SNX4: variants seen among roughly 807,000 people sequenced by gnomAD.
SNX4 encodes sorting nexin 4.
SNX4 carries 49 observed loss-of-function variants against 70.8 expected under a neutral mutation model. The ratio of observed to expected loss-of-function variants is 0.69; its 90% CI spans 0.55 to 0.88. The LOEUF (loss-of-function observed/expected upper bound fraction) is 0.88. Among genes scored for constraint, SNX4 ranks in the 40% least tolerant of loss-of-function variants. The pLI is 0.00. For missense variants in SNX4, 528 were observed against 544.8 expected (o/e 0.97, Z 0.31); for synonymous variants, 206 against 183.8 (o/e 1.12, Z -0.98).
At chr3:125,480,396 T>C (rs1458882081) in intron 6 of SNX4, 77 bp from the exon 7 acceptor site, 10 of 797,612 alleles carry the variant, frequency 1.3e-5, no homozygotes, top group Non-Finnish European at 1.9e-5. Flanking sequence ...AAAACAGTAG[T>C]TCCCGACAAT....
chr3:125,517,198 G>A (rs1935301566), intron 1 of SNX4: 1 of 152,030 alleles, frequency 6.6e-6, no homozygotes, highest in African/African-American at 2.4e-5. Flanking sequence ...CTTAATGGAA[G>A]AAGCACTGAT....
intron 9 of SNX4, among the ~76,000 whole-genome samples, chr3:125,463,303 C>T (rs1933928836): frequency 6.6e-6 from 1 of 152,122 alleles, no homozygotes; most frequent in East Asian, 1.9e-4. Context: ...GTAGGAAAAC[C>T]TGCCTTTAGT....
At chr3:125,495,291 CA>C (rs1934769544) in intron 5 of SNX4, among the ~76,000 whole-genome samples, 1 of 53,970 alleles carries the variant, frequency 1.9e-5, no homozygotes, top group African/African-American at 4.5e-5. Context: ...CATACACACA[CA>C]CACACGTATG....
chr3:125,480,687 C>G (rs944478326), intron 6 of SNX4, among the ~76,000 whole-genome samples: 12 of 152,152 alleles, frequency 7.9e-5, no homozygotes, highest in Non-Finnish European at 1.3e-4. Context: ...TAATTCTGCT[C>G]AAGTAATTTG....
chr3:125,510,976 T>C (rs1338520460), intron 1 of SNX4, among the ~76,000 whole-genome samples: 2 of 152,250 alleles, frequency 1.3e-5, no homozygotes, highest in African/African-American at 2.4e-5. Context: ...TGGAGTGCAA[T>C]GGCACGATCT....
chr3:125,478,274 TG>T (rs1488721231), intron 7 of SNX4, among the ~76,000 whole-genome samples: 1 of 151,978 alleles, frequency 6.6e-6, no homozygotes, highest in Admixed American at 6.6e-5. Context: ...AAGACCATGC[TG>T]GTCAGGCTGG....
chr3:125,520,126 G>A lies in SNX4; in HGVS notation c.47C>T (p.Pro16Leu). 1 of 1,471,054 alleles carries A rather than the reference G, an allele frequency of 6.8e-7. No homozygotes were observed. The highest frequency in any genetic ancestry group is 9.0e-7 in the Non-Finnish European group (1 of 1,116,968). The allele number at this position is 1,471,054 out of a possible 1,614,324, so 91.1% of individuals were successfully genotyped here. Residue 16 changes from proline to leucine, a missense_variant, in exon 1 of 14, where the codon CCC becomes CTC. Pro to Leu is a moderately conservative substitution (Grantham distance 98). Around this residue, in one of 3 missense-constraint regions of SNX4, gnomAD observed 341 missense variants for 312.2 expected, o/e 1.09. Transcript: ENST00000251775. ...GTCTGGGGAGCCCAGCGGCTCCAAG[G>A]GCGCCGGCTGGAGCTGCCGCTCGGG... ...PDPERQLQPAPLEPLGSPDAG... is the reference protein window; with the variant it reads ...PDPERQLQPALLEPLGSPDAG...
At chr3:125,494,022 G>GC (rs1934725380) in intron 5 of SNX4, among the ~76,000 whole-genome samples, 1 of 141,116 alleles carries the variant, frequency 7.1e-6, no homozygotes, top group Non-Finnish European at 1.5e-5. Flanking sequence ...GGGCGACAGA[G>GC]CAAGACTCCA....
At chr3:125,447,867 G>T (rs1478970955) in intron 13 of SNX4, 41 bp from the exon 14 acceptor site, 2 of 1,403,662 alleles carry the variant, frequency 1.4e-6, no homozygotes, top group Admixed American at 2.0e-5. Flanking sequence ...GAGTTTGGAA[G>T]GAATCTGAAA....
intron 12 of SNX4, among the ~76,000 whole-genome samples, chr3:125,451,912 C>T (rs1198434107): frequency 2.0e-5 from 3 of 152,130 alleles, no homozygotes; most frequent in South Asian, 2.1e-4. Flanking sequence ...CAGCGTGAGC[C>T]GCTGCACCTG....
At chr3:125,488,774 A>G (rs1934590756) in intron 6 of SNX4, among the ~76,000 whole-genome samples, 1 of 152,250 alleles carries the variant, frequency 6.6e-6, no homozygotes, top group Admixed American at 6.5e-5. Flanking sequence ...CATCTGCCTA[A>G]GCACATATCC....
chr3:125,510,778 G>A (rs1935153702), intron 1 of SNX4, among the ~76,000 whole-genome samples: 1 of 152,174 alleles, frequency 6.6e-6, no homozygotes, highest in African/African-American at 2.4e-5. Context: ...GAAATAGGTA[G>A]CTGTGGTTTA....
chr3:125,453,918 T>C lies in SNX4; in HGVS notation c.1082A>G (p.Lys361Arg). 1 of 1,613,830 alleles carries C rather than the reference T, an allele frequency of 6.2e-7. No individual in the cohort carries two copies. The highest frequency in any genetic ancestry group is 8.5e-7 in the Non-Finnish European group (1 of 1,179,860). ...CTCTGGAGTTTCTTGACCAAAGAGC[T>C]TGGTAGTCATTCCCTTCAAAGAGAA... is the stretch of plus-strand genomic sequence containing the variant. ...RTFSLKGMTTKLFGQETPEQR... is the reference protein window; with the variant it reads ...RTFSLKGMTTRLFGQETPEQR... The change falls in exon 12 of 14, where the codon AAG becomes AGG. Residue 361 changes from lysine to arginine, a missense_variant. Lys to Arg is a conservative substitution (Grantham distance 26). Transcript: ENST00000251775.
intron 1 of SNX4, among the ~76,000 whole-genome samples, chr3:125,511,509 A>G (rs958994138): frequency 2.0e-5 from 3 of 152,180 alleles, no homozygotes; most frequent in African/African-American, 7.2e-5. Flanking sequence ...TCCCACTAGA[A>G]TATCTCAGGT....
intron 11 of SNX4, among the ~76,000 whole-genome samples, chr3:125,456,425 C>T (rs1933717489): frequency 6.6e-6 from 1 of 152,042 alleles, no homozygotes; most frequent in African/African-American, 2.4e-5. Flanking sequence ...CTTTGGGAGG[C>T]GGAGGTGGGA....
intron 6 of SNX4, among the ~76,000 whole-genome samples, chr3:125,481,107 A>G (rs1934401035): frequency 2.0e-5 from 3 of 152,188 alleles, no homozygotes. Flanking sequence ...TCACTTCCCC[A>G]GCAATAACCA....
Position 125,453,953 on chromosome 3 carries a change from A to G in SNX4, c.1047T>C (p.Thr349=). The part of the protein sequence containing the change: ...KQQCEELVTG[T]VRTFSLKGMT... ...TTCCCTTCAAAGAGAATGTTCTCAC[A>G]GTCTAAAAGGAAACAGAAACAGATG... Residue 349 remains threonine (T), a splice_region_variant and synonymous_variant, in exon 12 of 14, where the codon ACT becomes ACC. Coordinates refer to ENST00000251775, the MANE Select transcript of SNX4 (RefSeq NM_003794.4). 1 of 1,612,110 alleles carries G rather than the reference A, an allele frequency of 6.2e-7. No individual in the cohort carries two copies. The highest frequency in any genetic ancestry group is 8.5e-7 in the Non-Finnish European group (1 of 1,179,372).
At chr3:125,514,218 T>C (rs1490787881) in intron 1 of SNX4, among the ~76,000 whole-genome samples, 1 of 152,088 alleles carries the variant, frequency 6.6e-6, no homozygotes, top group African/African-American at 2.4e-5. Flanking sequence ...GGTTATAACA[T>C]ATGACCAGTT....
chr3:125,456,591 G>A (rs1231759155), intron 11 of SNX4, among the ~76,000 whole-genome samples: 1 of 152,190 alleles, frequency 6.6e-6, no homozygotes, highest in Non-Finnish European at 1.5e-5. Flanking sequence ...AGGCTTCCAT[G>A]AGCCCTGATC....
Sources: allele counts gnomAD v4.1 joint callset (sites outside exome capture counted in the v4.1 genomes callset), GRCh38; gene constraint gnomAD v4.1.1; regional missense constraint gnomAD v4.1.1; transcripts MANE v1.5; gene names NCBI Gene and HGNC (gene_info 2026-07-23, HGNC 2026-07-21).